ATP8B3: variants seen among roughly 807,000 people sequenced by gnomAD.
ATP8B3 encodes phospholipid-transporting ATPase IK.
Under a neutral mutation model 140.9 loss-of-function variants are expected in ATP8B3, and 141 were observed. That is an observed-to-expected ratio of 1.00 (90% CI 0.87 to 1.15). The LOEUF is 1.15. Ranked by LOEUF, ATP8B3 falls within the 50% of genes most tolerant of loss-of-function variation. ATP8B3 has a pLI of 0.00. For missense variants in ATP8B3, 1,874 were observed against 1,740.6 expected (o/e 1.08, Z -1.36); for synonymous variants, 765 against 714.6 (o/e 1.07, Z -1.13).
intron 23 of ATP8B3, 79 bp from the exon 24 acceptor site, chr19:1,789,199 C>T (rs1173509076): frequency 1.2e-6 from 1 of 807,174 alleles, no homozygotes; most frequent in Non-Finnish European, 1.8e-6. Context: ...CACTGTTCTG[C>T]CCCCTATCAG....
At position 1,791,012 on chromosome 19, in the gene ATP8B3, C is replaced by G. The variant is rs553704212; in HGVS notation, c.2303-180G>C. Among the ~76,000 whole-genome samples the G allele has an allele frequency of 5.3e-5, 8 of 152,262 alleles. No individual in the cohort carries two copies. In the East Asian group the frequency reaches 1.6e-3, roughly 30 times the overall value. On this transcript the variant is annotated intron_variant, in intron 20 of 28. Transcript: ENST00000310127. ...CCCAGGCTCACCAATGAGAGCCAGC[C>G]CTGAGATTTTGGCTGTAGTTCTGGC...
Position 1,801,987 on chromosome 19 carries a change from AGCTTG to A in ATP8B3, c.1116_1120del (p.Lys373GlyfsTer154), listed in dbSNP as rs1369739759. The stretch of plus-strand genomic sequence containing the variant: ...CACCAGCTTGTTCATCAGGAGGTCC[AGCTTG>A]GTTCTCTTCAAATGGATCTTGCCAC... On this transcript the variant is annotated frameshift_variant, in exon 12 of 29. Transcript: ENST00000310127. LOFTEE classifies it high-confidence loss of function. 6.2e-7 allele frequency: 1 copy of A among 1,612,746 alleles called. No individual in the cohort carries two copies. The highest frequency in any genetic ancestry group is 8.5e-7 in the Non-Finnish European group (1 of 1,179,708).
Position 1,811,473 on chromosome 19 carries a change from A to T in ATP8B3, c.248+16T>A. On this transcript the variant is annotated intron_variant, in intron 2 of 28. Coordinates refer to ENST00000310127, the MANE Select transcript of ATP8B3 (RefSeq NM_138813.4). ...CCTGCCCCTGTGTTCCGGCCACCCGATGCACCCGTCCTCACCCTTCTGGTC... is the reference window on the plus strand; with the variant it reads ...CCTGCCCCTGTGTTCCGGCCACCCGTTGCACCCGTCCTCACCCTTCTGGTC... 5 of 1,606,642 alleles carry T rather than the reference A, an allele frequency of 3.1e-6. No homozygotes were observed. Among genetic ancestry groups the T allele is most frequent in the Non-Finnish European group, 4.2e-6 (5 of 1,176,928 alleles).
chr19:1,803,877 C>T (rs1600466549), intron 10 of ATP8B3, among the ~76,000 whole-genome samples: 1 of 112,376 alleles, frequency 8.9e-6, no homozygotes, highest in Admixed American at 1.3e-4. Context: ...GCCTGGGCAA[C>T]AAGAGCGAGA....
chr19:1,800,008 C>G lies in ATP8B3; in HGVS notation c.1491G>C (p.Thr497=), dbSNP rs747349506. 3.7e-6 allele frequency: 6 copies of G among 1,606,070 alleles called. No individual in the cohort carries two copies. Among genetic ancestry groups the G allele is most frequent in the South Asian group, 2.2e-5 (2 of 89,510 alleles). Reference sequence around the variant, plus strand: ...TCAAGATGTTCTGCGTGAGCGTGCCCGTCTTGTCCGAGAAGATGTATTCCA... The same window carrying G: ...TCAAGATGTTCTGCGTGAGCGTGCCGGTCTTGTCCGAGAAGATGTATTCCA... ...GQVEYIFSDK[T]GTLTQNILTF... is the part of the protein sequence containing the mutation. Residue 497 remains threonine (T), a synonymous_variant, in exon 14 of 29, where the codon ACG becomes ACC. Transcript: ENST00000310127. The surrounding 1 kb of genome is among the most constrained non-coding windows in gnomAD (Gnocchi z 4.4).
chr19:1,810,766 T>C, intron 2 of ATP8B3, 83 bp from the exon 3 acceptor site: 1 of 1,336,152 alleles, frequency 7.5e-7, no homozygotes, highest in African/African-American at 1.5e-5. Context: ...GCTCACAGCC[T>C]AGGGGCCGAC....
intron 10 of ATP8B3, among the ~76,000 whole-genome samples, chr19:1,804,051 G>A (rs1048639998): frequency 2.0e-5 from 3 of 152,156 alleles, no homozygotes; most frequent in African/African-American, 7.2e-5. Context: ...TCAGGAGCAA[G>A]GAAAAGATTC....
At chr19:1,797,059 T>C in intron 14 of ATP8B3, 54 bp from the exon 15 acceptor site, 1 of 1,611,274 alleles carries the variant, frequency 6.2e-7, no homozygotes, top group Non-Finnish European at 8.5e-7. Context: ...CCATTCGGGA[T>C]CCCATAGCCC....
intron 24 of ATP8B3, among the ~76,000 whole-genome samples, chr19:1,788,273 C>T (rs943412618): frequency 2.6e-5 from 4 of 152,268 alleles, no homozygotes; most frequent in Non-Finnish European, 5.9e-5. Flanking sequence ...CTCCCACAAT[C>T]GGATCTTCTC....
In ATP8B3 at chr19:1,807,571, C is replaced by A. The variant is rs2069065413; in HGVS notation, c.517-305G>T. ...CCAGCCCCAAGCTTGGCCGCCACTG[C>A]TCCCCCTCCCTCCCATGTCCCTGCT... On this transcript the variant is annotated intron_variant, in intron 5 of 28. Coordinates refer to ENST00000310127, the MANE Select transcript of ATP8B3 (RefSeq NM_138813.4). This position sits in a 1 kb window ranked among gnomAD's most constrained non-coding sequence, Gnocchi z 5.9. Among the ~76,000 whole-genome samples, 1 of 152,206 alleles carries A rather than the reference C, an allele frequency of 6.6e-6. No homozygotes were observed. Among genetic ancestry groups the A allele is most frequent in the Admixed American group, 6.5e-5 (1 of 15,280 alleles).
intron 2 of ATP8B3, 125 bp from the exon 3 acceptor site, chr19:1,810,808 C>T: frequency 2.4e-6 from 2 of 818,696 alleles, no homozygotes; most frequent in East Asian, 2.9e-5. Context: ...CACTCATCTG[C>T]AGCCTCCCCG....
rs1478669906 is a variant in ATP8B3, at chr19:1,792,011, G to A, written c.2180C>T (p.Ala727Val). Residue 727 changes from alanine to valine, a missense_variant, in exon 19 of 29, where the codon GCC becomes GTC. By Grantham distance (64) the Ala-to-Val change is moderately conservative (BLOSUM62 0). This residue lies in a region of ATP8B3 where 840 missense variants were observed against 760.9 expected (regional missense o/e 1.10). Coordinates refer to ENST00000310127, the MANE Select transcript of ATP8B3 (RefSeq NM_138813.4). ...ASLLLQNRAQ[A>V]LQQLLGATAI... is the part of the protein sequence containing the mutation. ...CATCTCGTTGTACACCTGTTGCAGG[G>A]CCTGTGCCCGGTTCTGCAGCAGGAG... 2 of 1,555,450 alleles carry A rather than the reference G, an allele frequency of 1.3e-6. No individual in the cohort carries two copies. Among genetic ancestry groups the A allele is most frequent in the Non-Finnish European group, 1.7e-6 (2 of 1,150,014 alleles).
rs1445272882 is a variant in ATP8B3, at chr19:1,796,275, A to G, written c.1754-10T>C. The G allele has an allele frequency of 1.3e-6, 2 of 1,599,820 alleles. No homozygotes were observed. The highest frequency in any genetic ancestry group is 1.7e-6 in the Non-Finnish European group (2 of 1,174,900). On this transcript the variant is annotated splice_polypyrimidine_tract_variant and intron_variant, in intron 16 of 28. Coordinates refer to ENST00000310127, the MANE Select transcript of ATP8B3 (RefSeq NM_138813.4). ...TGGTACAACAGCTGGTCTGGTAGGG[A>G]GGGGGGCCATTTTGGGGTCACGTGG...
intron 5 of ATP8B3, among the ~76,000 whole-genome samples, 188 bp downstream of exon 5, chr19:1,808,034 C>T (rs971103588): frequency 5.3e-5 from 8 of 152,256 alleles, no homozygotes. Context: ...GTGCATCCAT[C>T]CACCTTTGTC....
At chr19:1,804,587 A>G (rs535188931) in intron 10 of ATP8B3, among the ~76,000 whole-genome samples, 19 of 150,834 alleles carry the variant, frequency 1.3e-4, no homozygotes, top group African/African-American at 2.2e-4. Context: ...CAGCCTGGGC[A>G]ACAGAGCGAG....
At chr19:1,789,798 G>A (rs2068434302) in intron 22 of ATP8B3, 71 bp from the exon 23 acceptor site, 12 of 1,569,080 alleles carry the variant, frequency 7.6e-6, no homozygotes, top group East Asian at 2.3e-5. Flanking sequence ...CCCGGCCCTC[G>A]GCCTCGCCAG....
intron 28 of ATP8B3, among the ~76,000 whole-genome samples, 157 bp downstream of exon 28, chr19:1,784,662 G>T (rs924916151): frequency 1.3e-5 from 2 of 152,186 alleles, no homozygotes; most frequent in Non-Finnish European, 2.9e-5. Flanking sequence ...GGCACTGGGC[G>T]TGTGTCCGGG....
At chr19:1,798,732 T>A (rs1307799967) in intron 14 of ATP8B3, 1 of 149,352 alleles carries the variant, frequency 6.7e-6, no homozygotes. Context: ...AGCGAGACTC[T>A]GTCTCAAAAA....
chr19:1,792,550 A>G (rs1323241356), intron 18 of ATP8B3, among the ~76,000 whole-genome samples: 2 of 146,148 alleles, frequency 1.4e-5, no homozygotes, highest in Non-Finnish European at 3.0e-5. Flanking sequence ...ACTGCACTCC[A>G]GCCTGGGCGA....
Sources: allele counts gnomAD v4.1 joint callset (sites outside exome capture counted in the v4.1 genomes callset), GRCh38; gene constraint gnomAD v4.1.1; regional missense constraint gnomAD v4.1.1; non-coding constraint Gnocchi (gnomAD v3.1); transcripts MANE v1.5; gene names NCBI Gene and HGNC (gene_info 2026-07-23, HGNC 2026-07-21).